Variants in PRDM2 observed in about 807,000 individuals in gnomAD.
The protein encoded by PRDM2 is PR domain zinc finger protein 2.
Under a neutral mutation model 130.0 loss-of-function variants are expected in PRDM2, and 30 were observed. The observed-to-expected ratio is 0.23, with a 90% CI of 0.17 to 0.31. The LOEUF is 0.31. Among genes scored for constraint, PRDM2 ranks in the 10% least tolerant of loss-of-function variants. The pLI, the probability that PRDM2 is intolerant of heterozygous loss-of-function variation, is 1.00. For missense variants in PRDM2, 2,011 were observed against 2,108.4 expected, an observed-to-expected ratio of 0.95 and a Z score of 0.90; for synonymous variants, 871 against 782.4, an observed-to-expected ratio of 1.11 and a Z score of -1.89.
At chr1:13,757,865 T>C (rs1344068686) in intron 6 of PRDM2, among the ~76,000 whole-genome samples, 2 of 151,554 alleles carry the variant, frequency 1.3e-5, no homozygotes, top group Admixed American at 1.3e-4. Flanking sequence ...AGGTTTTGTT[T>C]GCTGATAAAG....
At chr1:13,823,095 A>G (rs1169619706) in intron 9 of PRDM2, 64 bp from the exon 10 acceptor site, 93 of 1,474,678 alleles carry the variant, frequency 6.3e-5, no homozygotes, top group Non-Finnish European at 8.7e-5. Flanking sequence ...TAACGCATGG[A>G]CCACCATGGT....
chr1:13,712,649 C>G (rs1642406905), intron 1 of PRDM2, among the ~76,000 whole-genome samples: 1 of 152,226 alleles, frequency 6.6e-6, no homozygotes, highest in Admixed American at 6.5e-5. Context: ...ACTAGCTACT[C>G]AGGAGGCTGA....
At chr1:13,730,975 G>A in intron 2 of PRDM2, 25 bp from the exon 3 acceptor site, 1 of 1,471,372 alleles carries the variant, frequency 6.8e-7, no homozygotes. Context: ...CTTTTGCTGT[G>A]ATCCTTCCAT....
chr1:13,724,811 T>C (rs1253843284), intron 2 of PRDM2, among the ~76,000 whole-genome samples: 1 of 152,110 alleles, frequency 6.6e-6, no homozygotes, highest in Non-Finnish European at 1.5e-5. Context: ...AAGAAAAAGA[T>C]ATTGCAGGGC....
chr1:13,797,280 T>C (rs1644937142), intron 8 of PRDM2, among the ~76,000 whole-genome samples: 1 of 152,254 alleles, frequency 6.6e-6, no homozygotes, highest in Non-Finnish European at 1.5e-5. Flanking sequence ...GTGAGTTTTA[T>C]ACTCTTACTG....
intron 6 of PRDM2, 117 bp downstream of exon 6, chr1:13,749,604 G>GCGC: frequency 1.7e-6 from 1 of 592,682 alleles, no homozygotes; most frequent in Non-Finnish European, 2.1e-6. Context: ...TCGGGCGGCG[G>GCGC]CGCCCGCGGC....
chr1:13,759,240 G>C (rs1329872781), intron 6 of PRDM2, among the ~76,000 whole-genome samples: 1 of 151,268 alleles, frequency 6.6e-6, no homozygotes, highest in African/African-American at 2.4e-5. Flanking sequence ...ACCTCTTGGG[G>C]CAGTCTTTTG....
chr1:13,742,565 G>A (rs1421856767), intron 5 of PRDM2, among the ~76,000 whole-genome samples: 2 of 152,164 alleles, frequency 1.3e-5, no homozygotes, highest in African/African-American at 2.4e-5. Context: ...GACCTGGGAG[G>A]GATTATATTG....
chr1:13,773,249 T>G, intron 7 of PRDM2, 61 bp downstream of exon 7: 1 of 976,688 alleles, frequency 1.0e-6, no homozygotes, highest in Non-Finnish European at 1.4e-6. Context: ...GAATTTAACT[T>G]TGTATCTCTT....
chr1:13,794,581 T>A (rs561254135), intron 8 of PRDM2, among the ~76,000 whole-genome samples: 1 of 152,352 alleles, frequency 6.6e-6, no homozygotes, highest in Non-Finnish European at 1.5e-5. Flanking sequence ...CCCGTTTTCC[T>A]TTCTGTGGAA....
At chr1:13,784,462 A>G (rs919186913) in intron 8 of PRDM2, among the ~76,000 whole-genome samples, 2 of 152,246 alleles carry the variant, frequency 1.3e-5, no homozygotes, top group African/African-American at 4.8e-5. Flanking sequence ...ATTATCTAAA[A>G]GAAATGCTTG....
chr1:13,739,285 G>A (rs1643368295), intron 4 of PRDM2, among the ~76,000 whole-genome samples: 1 of 152,082 alleles, frequency 6.6e-6, no homozygotes, highest in African/African-American at 2.4e-5. Flanking sequence ...CTGACCTCAT[G>A]ATTCCTCCCG....
Position 13,779,774 on chromosome 1 carries a change from T to A in PRDM2, c.1979T>A (p.Val660Asp), listed in dbSNP as rs773448608. The A allele has an allele frequency of 6.2e-7, 1 of 1,614,172 alleles. No homozygotes were observed. Among genetic ancestry groups the A allele is most frequent in the Non-Finnish European group, 8.5e-7 (1 of 1,180,030 alleles). The change falls in exon 8 of 10, where the codon GTC (valine) becomes GAC (aspartate). Residue 660 changes from valine (V) to aspartate (D), a missense_variant. This residue lies in a region of PRDM2 where 1,288 missense variants were observed against 1,237.7 expected (regional missense o/e 1.04). Coordinates refer to ENST00000311066, the MANE Select transcript of PRDM2 (RefSeq NM_001393986.1). This position sits in a 1 kb window ranked among gnomAD's most constrained non-coding sequence, Gnocchi z 4.9. ...GCCGAAACAGACTCTGACCCCATGG[T>A]CCCCTCTTGCTCTTTAAGTCTTCCT... ...IKAETDSDPMVPSCSLSLPLS... is the reference protein window; with the variant it reads ...IKAETDSDPMDPSCSLSLPLS...
intron 8 of PRDM2, chr1:13,787,804 C>T (rs1644772020): frequency 8.7e-5 from 85 of 980,778 alleles, no homozygotes; most frequent in Non-Finnish European, 1.0e-4. Context: ...CTATAAAAGA[C>T]TATTCTAATG....
chr1:13,780,577 G>A lies in PRDM2; in HGVS notation c.2782G>A (p.Gly928Ser), dbSNP rs752684354. The change falls in exon 8 of 10, where the codon GGT becomes AGT. Residue 928 changes from glycine to serine, a missense_variant. Around this residue, in one of 5 missense-constraint regions of PRDM2, gnomAD observed 1,288 missense variants for 1,237.7 expected, o/e 1.04. Transcript: ENST00000311066. Reference sequence around the variant, plus strand: ...AGAAGCTCAGCCAGATCCTGACCTCGGTCCGGGCTCTGGTTTCCCTGCCCC... The same window carrying A: ...AGAAGCTCAGCCAGATCCTGACCTCAGTCCGGGCTCTGGTTTCCCTGCCCC... ...SLEAQPDPDL[G>S]PGSGFPAPTV... 11 of 1,613,910 alleles carry A rather than the reference G, an allele frequency of 6.8e-6. No individual in the cohort carries two copies. The highest frequency in any genetic ancestry group is 1.6e-4 in the Middle Eastern group (1 of 6,084).
At chr1:13,757,050 C>T (rs1375672018) in intron 6 of PRDM2, among the ~76,000 whole-genome samples, 1 of 152,160 alleles carries the variant, frequency 6.6e-6, no homozygotes, top group Non-Finnish European at 1.5e-5. Context: ...ACTAACTAGC[C>T]AAGGTGAATT....
chr1:13,739,511 C>T (rs1213353818), intron 4 of PRDM2, among the ~76,000 whole-genome samples: 1 of 152,094 alleles, frequency 6.6e-6, no homozygotes, highest in Admixed American at 6.5e-5. Flanking sequence ...GGAAATAAAT[C>T]GTGCCATATA....
At chr1:13,730,947 A>C in intron 2 of PRDM2, 53 bp from the exon 3 acceptor site, 3 of 1,260,820 alleles carry the variant, frequency 2.4e-6, no homozygotes, top group Non-Finnish European at 3.3e-6. Flanking sequence ...AAAAAAACCC[A>C]TGATTTGAGT....
At position 13,806,012 on chromosome 1, in the gene PRDM2, TC is replaced by T. The variant is rs1483421401; in HGVS notation, c.5037-10414del. On this transcript the variant is annotated intron_variant, in intron 8 of 9. Coordinates refer to ENST00000311066, the MANE Select transcript of PRDM2 (RefSeq NM_001393986.1). The surrounding 1 kb of genome is among the most constrained non-coding windows in gnomAD (Gnocchi z 4.1). ...GCCTCCAGTGTCTCTTCTCCCCTTC[TC>T]TCTTGAACTCACTTTCAGGGTTTTG... Among the ~76,000 whole-genome samples, 1 of 152,058 alleles carries T rather than the reference TC, an allele frequency of 6.6e-6. No individual in the cohort carries two copies. The highest frequency in any genetic ancestry group is 2.4e-5 in the African/African-American group (1 of 41,410).
Sources: gnomAD v4.1 joint callset for allele counts (sites outside exome capture counted in the v4.1 genomes callset) on GRCh38, gnomAD v4.1.1 for gene constraint, gnomAD v4.1.1 regional missense constraint, Gnocchi (gnomAD v3.1) non-coding constraint, MANE v1.5 for transcripts, NCBI Gene and HGNC (gene_info 2026-07-23, HGNC 2026-07-21) for gene names.